Variants in ROBO2 observed in about 807,000 individuals in gnomAD.
ROBO2 encodes the protein roundabout homolog 2.
In ROBO2, 53 loss-of-function variants were observed where a neutral mutation model predicts 160.8. That is an observed-to-expected ratio of 0.33 (90% CI 0.26 to 0.41). The LOEUF (loss-of-function observed/expected upper bound fraction) is 0.41, where lower values mean the gene tolerates loss of function less well. Ranked by LOEUF, ROBO2 falls within the 10% of genes least tolerant of loss-of-function variation. ROBO2 has a pLI of 1.00. For synonymous variants in ROBO2, 664 were observed against 611.7 expected, an observed-to-expected ratio of 1.09 and a Z score of -1.26; for missense variants, 1,577 against 1,722.4, an observed-to-expected ratio of 0.92 and a Z score of 1.49.
intron 2 of ROBO2, among the ~76,000 whole-genome samples, chr3:76,356,446 A>G (rs568729100): frequency 6.6e-6 from 1 of 151,780 alleles, no homozygotes; most frequent in African/African-American, 2.4e-5. Flanking sequence ...CTATAAATAT[A>G]TACAGAGGAG....
chr3:77,139,844 A>T (rs1455302786), intron 2 of ROBO2, among the ~76,000 whole-genome samples: 1 of 152,140 alleles, frequency 6.6e-6, no homozygotes, highest in Non-Finnish European at 1.5e-5. Context: ...TTATGGGCAA[A>T]GGTCAATCAT....
rs369448831 is a variant in ROBO2 at position 76,218,156 on chromosome 3, C to T, written c.109+280554C>T. ...CTCAATAAATTAGGTACTGATGGGA[C>T]ATATCTCAAAATAACAAGAGCTATC... is the stretch of plus-strand genomic sequence containing the variant. On this transcript the variant is annotated intron_variant, in intron 2 of 26. Transcript: ENST00000487694. 6.0e-4 allele frequency among the ~76,000 whole-genome samples: 91 copies of T among 152,262 alleles called. No individual in the cohort carries two copies. The Middle Eastern group carries it at 0.02, about 34-fold the overall frequency.
At chr3:76,151,458 T>G (rs1253841019) in intron 2 of ROBO2, among the ~76,000 whole-genome samples, 1 of 152,190 alleles carries the variant, frequency 6.6e-6, no homozygotes, top group African/African-American at 2.4e-5. Flanking sequence ...AAGAATGCTC[T>G]TTTTATATGA....
At chr3:77,553,745 T>A (rs1253690664) in intron 8 of ROBO2, among the ~76,000 whole-genome samples, 1 of 151,940 alleles carries the variant, frequency 6.6e-6, no homozygotes, top group Non-Finnish European at 1.5e-5. Context: ...CTGTCTTCAA[T>A]TCCTTGAAGG....
chr3:77,386,129 A>C (rs146249702), intron 2 of ROBO2, among the ~76,000 whole-genome samples: 40 of 152,312 alleles, frequency 2.6e-4, no homozygotes, highest in East Asian at 2.5e-3. Context: ...TTTTACCTGC[A>C]TTTTATTACT....
chr3:76,447,622 G>A lies in ROBO2; in HGVS notation c.109+510020G>A, dbSNP rs572324996. 3.3e-5 allele frequency among the ~76,000 whole-genome samples: 5 copies of A among 150,444 alleles called. No individual in the cohort carries two copies. The East Asian group carries it at 9.7e-4, about 29-fold the overall frequency. On this transcript the variant is annotated intron_variant, in intron 2 of 26. Coordinates refer to the ROBO2 transcript ENST00000487694. ...GTATATTGCGGCACTATTCACAATAGCAAAGACTTGGAACCAGCCCAAATA... is the reference window on the plus strand; with the variant it reads ...GTATATTGCGGCACTATTCACAATAACAAAGACTTGGAACCAGCCCAAATA...
intron 2 of ROBO2, among the ~76,000 whole-genome samples, chr3:76,736,233 G>A (rs1357743401): frequency 6.8e-6 from 1 of 146,818 alleles, no homozygotes; most frequent in East Asian, 2.0e-4. Context: ...AGTGAGCCGA[G>A]ATCGCGTCCC....
chr3:77,526,315 C>T (rs1294329478), intron 6 of ROBO2, among the ~76,000 whole-genome samples: 1 of 151,514 alleles, frequency 6.6e-6, no homozygotes, highest in Non-Finnish European at 1.5e-5. Flanking sequence ...TTTTCAATGG[C>T]TGTTCCTATC....
chr3:77,136,005 G>A (rs754807726), intron 2 of ROBO2, among the ~76,000 whole-genome samples: 8 of 152,134 alleles, frequency 5.3e-5, no homozygotes, highest in Admixed American at 3.3e-4. Flanking sequence ...ATTATTGACT[G>A]GGTATCTGAA....
intron 4 of ROBO2, among the ~76,000 whole-genome samples, chr3:77,486,584 A>G (rs1046223411): frequency 6.6e-6 from 1 of 152,140 alleles, no homozygotes; most frequent in Non-Finnish European, 1.5e-5. Flanking sequence ...GTGTCTGTTC[A>G]GGCTCTTTGC....
intron 2 of ROBO2, among the ~76,000 whole-genome samples, chr3:76,184,379 T>C (rs879919000): frequency 2.6e-5 from 4 of 152,108 alleles, no homozygotes; most frequent in Non-Finnish European, 5.9e-5. Context: ...CCTTGAGGTC[T>C]AGACCCATGA....
intron 2 of ROBO2, among the ~76,000 whole-genome samples, chr3:76,112,005 T>A (rs1384478284): frequency 2.0e-5 from 3 of 152,108 alleles, no homozygotes; most frequent in Admixed American, 1.3e-4. Flanking sequence ...AAGAGTAGAC[T>A]CTCGACTCCA....
chr3:75,958,224 A>C (rs1354052401), intron 2 of ROBO2, among the ~76,000 whole-genome samples: 1 of 151,806 alleles, frequency 6.6e-6, no homozygotes, highest in Non-Finnish European at 1.5e-5. Flanking sequence ...GCCTTGGCCA[A>C]ACTCAAGATC....
intron 17 of ROBO2, among the ~76,000 whole-genome samples, chr3:77,592,008 T>C (rs1457580383): frequency 2.6e-5 from 4 of 152,178 alleles, no homozygotes; most frequent in Non-Finnish European, 5.9e-5. Context: ...CTAATAGAAG[T>C]TAGTTACTTT....
chr3:76,854,069 T>C (rs2069762616), intron 2 of ROBO2, among the ~76,000 whole-genome samples: 6 of 68,408 alleles, frequency 8.8e-5, no homozygotes, highest in Non-Finnish European at 1.3e-4. Flanking sequence ...TCTCTCTCTT[T>C]CTCTGTCTGC....
At chr3:77,049,988 G>A (rs1010386386) in intron 1 of ROBO2, among the ~76,000 whole-genome samples, 2 of 152,126 alleles carry the variant, frequency 1.3e-5, no homozygotes, top group Non-Finnish European at 2.9e-5. Context: ...AAGTTTATAA[G>A]TTTTTATAAA....
At chr3:76,627,837 A>G (rs1327198322) in intron 2 of ROBO2, among the ~76,000 whole-genome samples, 2 of 152,192 alleles carry the variant, frequency 1.3e-5, no homozygotes, top group African/African-American at 2.4e-5. Context: ...GTCTCTGAAC[A>G]TGAAATTAAT....
At chr3:77,496,929 C>T (rs1000925545) in intron 5 of ROBO2, among the ~76,000 whole-genome samples, 2 of 151,952 alleles carry the variant, frequency 1.3e-5, no homozygotes, top group Non-Finnish European at 2.9e-5. Flanking sequence ...AACTCCTGAC[C>T]TTTCTCAGTA....
At chr3:77,348,753 C>G (rs969883716) in intron 2 of ROBO2, among the ~76,000 whole-genome samples, 1 of 152,142 alleles carries the variant, frequency 6.6e-6, no homozygotes, top group Admixed American at 6.6e-5. Flanking sequence ...ACAAGTCTCC[C>G]TAATCCTGCC....
Sources: allele counts gnomAD v4.1 joint callset (sites outside exome capture counted in the v4.1 genomes callset), GRCh38; gene constraint gnomAD v4.1.1; transcripts MANE v1.5; gene names NCBI Gene and HGNC (gene_info 2026-07-23, HGNC 2026-07-21).